KCNJ15: variants seen among roughly 807,000 people sequenced by gnomAD.
The protein encoded by KCNJ15 is ATP-sensitive inward rectifier potassium channel 15.
A neutral mutation model predicts 23.0 loss-of-function variants in KCNJ15; 14 were observed. That is an observed-to-expected ratio of 0.61 (90% CI 0.40 to 0.95). KCNJ15 has a LOEUF of 0.95. Among genes scored for constraint, KCNJ15 ranks in the 40% least tolerant of loss-of-function variants. The pLI is 0.00. For synonymous variants in KCNJ15, 185 were observed against 183.2 expected, an observed-to-expected ratio of 1.01 and a Z score of -0.08; for missense variants, 388 against 461.8, an observed-to-expected ratio of 0.84 and a Z score of 1.46.
At chr21:38,261,932 T>G (rs1003035672) in intron 1 of KCNJ15, among the ~76,000 whole-genome samples, 2 of 152,222 alleles carry the variant, frequency 1.3e-5, no homozygotes, top group African/African-American at 4.8e-5. Context: ...TAACGCTGTT[T>G]CCAATTTTCA....
intron 1 of KCNJ15, among the ~76,000 whole-genome samples, chr21:38,292,823 G>T (rs1659871310): frequency 6.6e-6 from 1 of 151,968 alleles, no homozygotes; most frequent in African/African-American, 2.4e-5. Context: ...ACAAAAATTA[G>T]CCAGGCGTAA....
intron 1 of KCNJ15, among the ~76,000 whole-genome samples, chr21:38,273,022 C>T (rs1025226289): frequency 3.3e-5 from 5 of 152,174 alleles, no homozygotes; most frequent in African/African-American, 9.7e-5. Context: ...GTTAGATATA[C>T]AAATAAGTAA....
chr21:38,251,506 C>A (rs960839982), intron 1 of KCNJ15, among the ~76,000 whole-genome samples: 4 of 152,256 alleles, frequency 2.6e-5, no homozygotes, highest in African/African-American at 9.6e-5. Flanking sequence ...ATACGGAGCC[C>A]CTATAGAGAG....
At chr21:38,238,377 C>A in intron 1 of KCNJ15, 2 of 717,636 alleles carry the variant, frequency 2.8e-6, no homozygotes, top group South Asian at 2.7e-5. Context: ...TCGAGGGGTC[C>A]CCATCAGCCA....
chr21:38,260,559 A>G (rs1002438024), intron 1 of KCNJ15, among the ~76,000 whole-genome samples: 1 of 152,256 alleles, frequency 6.6e-6, no homozygotes, highest in Non-Finnish European at 1.5e-5. Flanking sequence ...TTCTAGATGA[A>G]AAATTCTAAA....
Position 38,306,995 on chromosome 21 carries a change from T to C in KCNJ15, c.*6606T>C, listed in dbSNP as rs1366564396. 2 of 152,184 alleles carry C rather than the reference T, an allele frequency of 1.3e-5. No homozygotes were observed. Among genetic ancestry groups the C allele is most frequent in the African/African-American group, 4.8e-5 (2 of 41,436 alleles). The allele number at this position is 152,184 out of a possible 1,614,324, so 9.4% of individuals were successfully genotyped here. The stretch of plus-strand genomic sequence containing the variant: ...GTCTCTTGCTATATATAGAACCACA[T>C]CTGATCCTTATACAGTGTTGCAAGA... On this transcript the variant is annotated 3_prime_UTR_variant, in exon 3 of 3. Transcript: ENST00000398938.
At chr21:38,297,783 C>T (rs888877432) in intron 2 of KCNJ15, among the ~76,000 whole-genome samples, 1 of 152,098 alleles carries the variant, frequency 6.6e-6, no homozygotes, top group Non-Finnish European at 1.5e-5. Flanking sequence ...TTCTTTTCAA[C>T]AAAAATGAAA....
rs559586052 is a variant in KCNJ15, at chr21:38,294,116, G to A, written c.-116-2810G>A. On this transcript the variant is annotated intron_variant, in intron 1 of 2. Coordinates refer to ENST00000398938, the MANE Select transcript of KCNJ15 (RefSeq NM_170736.3). ...CTCAGTGAACCCCAAGTAGATTCTTGTCAAGCATTTTTTTTCTACTTAATA... is the reference window on the plus strand; with the variant it reads ...CTCAGTGAACCCCAAGTAGATTCTTATCAAGCATTTTTTTTCTACTTAATA... Among the ~76,000 whole-genome samples, 8 of 152,308 alleles carry A rather than the reference G, an allele frequency of 5.3e-5. No individual in the cohort carries two copies. The South Asian group carries it at 1.4e-3, about 28-fold the overall frequency.
chr21:38,238,807 C>G (rs78339535), intron 1 of KCNJ15: 10,550 of 284,568 alleles, frequency 0.037, 289 homozygotes, highest in Non-Finnish European at 0.056. Context: ...ATGTTATTGT[C>G]CAGAGCGTGG....
intron 1 of KCNJ15, among the ~76,000 whole-genome samples, chr21:38,241,443 A>G (rs1001789601): frequency 1.3e-5 from 2 of 152,204 alleles, no homozygotes; most frequent in Admixed American, 6.5e-5. Flanking sequence ...GGACACTCCC[A>G]GTCTGCCGGC....
Position 38,279,910 on chromosome 21 carries a change from C to A in KCNJ15, c.-116-17016C>A, listed in dbSNP as rs571336729. On this transcript the variant is annotated intron_variant, in intron 1 of 2. Transcript: ENST00000398938. ...TGCCAAGGTCTTTCAACTGGGGTCC[C>A]ACTCTCAATTTTACTTCCTGAAAGT... 2.1e-4 allele frequency among the ~76,000 whole-genome samples: 32 copies of A among 152,264 alleles called. No individual in the cohort carries two copies. The South Asian group carries it at 6.6e-3, about 32-fold the overall frequency.
intron 1 of KCNJ15, among the ~76,000 whole-genome samples, chr21:38,230,277 A>G (rs1319041244): frequency 6.6e-6 from 1 of 152,142 alleles, no homozygotes; most frequent in Non-Finnish European, 1.5e-5. Flanking sequence ...CCTAGTGGCT[A>G]AAGATGTTGA....
chr21:38,232,553 GTCTT>G (rs1382940067), intron 1 of KCNJ15, among the ~76,000 whole-genome samples: 5 of 151,700 alleles, frequency 3.3e-5, no homozygotes, highest in African/African-American at 4.8e-5. Flanking sequence ...TTGATTTGAG[GTCTT>G]TCTTCTTTTA....
chr21:38,299,803 G>A lies in KCNJ15; in HGVS notation c.542G>A (p.Ser181Asn), dbSNP rs1386333267. The change falls in exon 3 of 3, where the codon AGC (serine) becomes AAC (asparagine). Residue 181 changes from serine to asparagine, a missense_variant. By Grantham distance (46) the Ser-to-Asn change is conservative. Coordinates refer to ENST00000398938, the MANE Select transcript of KCNJ15 (RefSeq NM_170736.3). This position sits in a 1 kb window ranked among gnomAD's most constrained non-coding sequence, Gnocchi z 4.5. Reference sequence around the variant, plus strand: ...AAGCGGGCTGAGACCATCAAGTTCAGCCACTGTGCAGTCATCACCAAGCAG... The same window carrying A: ...AAGCGGGCTGAGACCATCAAGTTCAACCACTGTGCAGTCATCACCAAGCAG... ...PKKRAETIKF[S>N]HCAVITKQNG... 22 of 1,614,082 alleles carry A rather than the reference G, an allele frequency of 1.4e-5. No individual in the cohort carries two copies. The highest frequency in any genetic ancestry group is 1.9e-5 in the Non-Finnish European group (22 of 1,180,024).
intron 1 of KCNJ15, among the ~76,000 whole-genome samples, chr21:38,263,123 G>C (rs984346829): frequency 4.6e-5 from 7 of 152,166 alleles, no homozygotes; most frequent in African/African-American, 1.7e-4. Flanking sequence ...AAGAAGGCTA[G>C]CTTCTCCCAG....
In KCNJ15 at chr21:38,303,175, G is replaced by A. The variant is rs571617560; in HGVS notation, c.*2786G>A. The A allele has an allele frequency of 1.3e-5, 2 of 151,694 alleles. No individual in the cohort carries two copies. Among genetic ancestry groups the A allele is most frequent in the East Asian group, 2.0e-4 (1 of 5,128 alleles). The allele number at this position is 151,694 out of a possible 1,614,324, so 9.4% of individuals were successfully genotyped here. On this transcript the variant is annotated 3_prime_UTR_variant, in exon 3 of 3. Coordinates refer to ENST00000398938, the MANE Select transcript of KCNJ15 (RefSeq NM_170736.3). Reference sequence around the variant, plus strand: ...AACCTTAACTATTATTACTTTGTACGTAATACTTTCATGTTACTATGCTAA... The same window carrying A: ...AACCTTAACTATTATTACTTTGTACATAATACTTTCATGTTACTATGCTAA...
chr21:38,242,558 C>T (rs1979082237), intron 1 of KCNJ15, among the ~76,000 whole-genome samples: 1 of 152,182 alleles, frequency 6.6e-6, no homozygotes, highest in Non-Finnish European at 1.5e-5. Flanking sequence ...ATTTCAAGTT[C>T]TTCAGATGGC....
At chr21:38,281,625 G>C (rs552139222) in intron 1 of KCNJ15, among the ~76,000 whole-genome samples, 7 of 152,298 alleles carry the variant, frequency 4.6e-5, no homozygotes, top group Non-Finnish European at 8.8e-5. Context: ...TGGCTGCATA[G>C]TATTCTGCGG....
chr21:38,289,402 A>G (rs1431978283), intron 1 of KCNJ15, among the ~76,000 whole-genome samples: 2 of 152,110 alleles, frequency 1.3e-5, no homozygotes, highest in Non-Finnish European at 1.5e-5. Context: ...ATAGTGAGTG[A>G]GATTCCACTA....
Sources: allele counts gnomAD v4.1 joint callset (sites outside exome capture counted in the v4.1 genomes callset), GRCh38; gene constraint gnomAD v4.1.1; non-coding constraint Gnocchi (gnomAD v3.1); transcripts MANE v1.5; gene names NCBI Gene and HGNC (gene_info 2026-07-23, HGNC 2026-07-21).